HEXA: variants seen among roughly 807,000 people sequenced by gnomAD.
HEXA encodes the protein beta-hexosaminidase subunit alpha.
Under a neutral mutation model 73.3 loss-of-function variants are expected in HEXA, and 54 were observed. That is an observed-to-expected ratio of 0.74 (90% confidence interval 0.59 to 0.92). HEXA has a LOEUF of 0.92. Among genes scored for constraint, HEXA ranks in the 40% least tolerant of loss-of-function variants. The pLI is 0.00. For missense variants in HEXA, 649 were observed against 653.0 expected (o/e 0.99, Z 0.07); for synonymous variants, 230 against 246.9 (o/e 0.93, Z 0.64).
In HEXA at chr15:72,356,556, G is replaced by A; in HGVS notation, c.315C>T (p.Asn105=). ...LVVSVVTPGC[N]QLPTLESVEN... Reference sequence around the variant, plus strand: ...CCACTGACTCCAAAGTAGGAAGCTGGTTACATCCAGGTGTGACTACAGAGA... The same window carrying A: ...CCACTGACTCCAAAGTAGGAAGCTGATTACATCCAGGTGTGACTACAGAGA... Residue 105 remains asparagine (N), a synonymous_variant, in exon 2 of 14, where the codon AAC becomes AAT. Coordinates refer to ENST00000268097, the MANE Select transcript of HEXA (RefSeq NM_000520.6). 1 of 1,614,086 alleles carries A rather than the reference G, an allele frequency of 6.2e-7. No homozygotes were observed. Among genetic ancestry groups the A allele is most frequent in the Non-Finnish European group, 8.5e-7 (1 of 1,179,952 alleles).
At chr15:72,369,448 A>G (rs943644359) in intron 1 of HEXA, among the ~76,000 whole-genome samples, 10 of 152,196 alleles carry the variant, frequency 6.6e-5, no homozygotes, top group Non-Finnish European at 8.8e-5. Flanking sequence ...CTATTTTATC[A>G]CTTATTTTCA....
chr15:72,345,220 C>T (rs2088593520), intron 13 of HEXA: 1 of 704,924 alleles, frequency 1.4e-6, no homozygotes, highest in Non-Finnish European at 2.2e-6. Context: ...AATATAAATG[C>T]TATGTAAATA....
intron 1 of HEXA, among the ~76,000 whole-genome samples, chr15:72,368,330 T>A (rs961518972): frequency 6.6e-6 from 1 of 152,212 alleles, no homozygotes; most frequent in Non-Finnish European, 1.5e-5. Flanking sequence ...ATGAGTATAT[T>A]ACAAGACTGT....
At chr15:72,350,449 G>T in intron 7 of HEXA, 69 bp downstream of exon 7, 1 of 1,530,832 alleles carries the variant, frequency 6.5e-7, no homozygotes, top group Non-Finnish European at 9.0e-7. Context: ...ACTTCCATGA[G>T]CCAGTGCCCT....
chr15:72,345,511 G>T lies in HEXA; in HGVS notation c.1461C>A (p.Asn487Lys), dbSNP rs773338562. 1.2e-6 allele frequency: 2 copies of T among 1,614,134 alleles called. No homozygotes were observed. Among genetic ancestry groups the T allele is most frequent in the African/African-American group, 2.7e-5 (2 of 74,958 alleles). ...AGAVAERLWSNKLTSDLTFAY... is the reference protein window; with the variant it reads ...AGAVAERLWSKKLTSDLTFAY... ...CAAATGTCAGGTCAGATGTCAACTT[G>T]TTGCTCCACAGCCTTTCGGCAACAG... Residue 487 changes from asparagine (N) to lysine (K), a missense_variant, in exon 13 of 14, where the codon AAC becomes AAA. By Grantham distance (94) the Asn-to-Lys change is moderately conservative. Coordinates refer to ENST00000268097, the MANE Select transcript of HEXA (RefSeq NM_000520.6).
At chr15:72,370,804 T>C (rs1172648938) in intron 1 of HEXA, 1 of 393,680 alleles carries the variant, frequency 2.5e-6, no homozygotes. Context: ...CAAAATGAAA[T>C]ATGACACTTA....
chr15:72,353,413 A>C (rs1328445472), intron 4 of HEXA, among the ~76,000 whole-genome samples: 1 of 152,138 alleles, frequency 6.6e-6, no homozygotes, highest in Non-Finnish European at 1.5e-5. Flanking sequence ...CTCAGCCTAC[A>C]AATTCTGGAT....
At chr15:72,362,205 C>T (rs1021034162) in intron 1 of HEXA, among the ~76,000 whole-genome samples, 10 of 152,164 alleles carry the variant, frequency 6.6e-5, no homozygotes, top group Admixed American at 2.0e-4. Flanking sequence ...TTTGCCTTCC[C>T]GCCACATCTC....
At chr15:72,351,670 A>T in intron 5 of HEXA, 1 of 241,426 alleles carries the variant, frequency 4.1e-6, no homozygotes. Flanking sequence ...TAATCTCAGA[A>T]GCAAAGGCTG....
intron 1 of HEXA, chr15:72,362,334 C>T (rs939757867): frequency 1.5e-5 from 6 of 398,048 alleles, no homozygotes; most frequent in African/African-American, 1.3e-4. Context: ...TTTTTCAAAA[C>T]ACTTTTCTTA....
intron 1 of HEXA, chr15:72,370,782 G>T (rs1385423155): frequency 2.5e-6 from 1 of 395,084 alleles, no homozygotes; most frequent in Non-Finnish European, 4.5e-6. Context: ...AGCTAATCTA[G>T]GCCCTGGGAT....
In HEXA at chr15:72,346,215, T is replaced by TC. The variant is rs780193130; in HGVS notation, c.1421+19dup. The TC allele has an allele frequency of 2.0e-5, 32 of 1,587,330 alleles. No individual in the cohort carries two copies. Among genetic ancestry groups the TC allele is most frequent in the Admixed American group, 8.4e-5 (5 of 59,616 alleles). On this transcript the variant is annotated intron_variant, in intron 12 of 13. Coordinates refer to ENST00000268097, the MANE Select transcript of HEXA (RefSeq NM_000520.6). The stretch of plus-strand genomic sequence containing the variant: ...CTGCTCTCAGGCCCAACCCTCCACC[T>TC]CCCCCCCGAAAACCCTTACCAGAGC...
chr15:72,353,248 A>G (rs1452406333), intron 4 of HEXA, 70 bp from the exon 5 acceptor site: 4 of 899,716 alleles, frequency 4.4e-6, no homozygotes, highest in South Asian at 4.2e-5. Flanking sequence ...GGAGATGAAG[A>G]CAACTCTCCC....
chr15:72,344,281 C>T (rs1281942239), intron 13 of HEXA, 141 bp from the exon 14 acceptor site: 1 of 699,488 alleles, frequency 1.4e-6, no homozygotes, highest in African/African-American at 1.8e-5. Context: ...ACCTGGGAAT[C>T]TCAATTCCAG....
At chr15:72,363,838 C>T (rs1341176201) in intron 1 of HEXA, among the ~76,000 whole-genome samples, 1 of 152,172 alleles carries the variant, frequency 6.6e-6, no homozygotes, top group African/African-American at 2.4e-5. Context: ...CCTCCCAACC[C>T]TATCCCCACT....
At chr15:72,353,804 G>T (rs1020118125) in intron 3 of HEXA, 67 bp from the exon 4 acceptor site, 9 of 1,153,752 alleles carry the variant, frequency 7.8e-6, no homozygotes, top group Non-Finnish European at 1.2e-5. Flanking sequence ...CTATTTGGAA[G>T]GTTCTCAATG....
At chr15:72,359,051 C>G (rs1011622582) in intron 1 of HEXA, 1 of 152,230 alleles carries the variant, frequency 6.6e-6, no homozygotes, top group Non-Finnish European at 1.5e-5. Flanking sequence ...CTGGCTGGAA[C>G]AGCAGGAAAT....
intron 1 of HEXA, among the ~76,000 whole-genome samples, chr15:72,369,515 TGTTTTTGTTTCTAG>T (rs2088960254): frequency 6.6e-6 from 1 of 152,190 alleles, no homozygotes; most frequent in Admixed American, 6.5e-5. Context: ...CCCTTTCTTT[TGTTTTTGTTTCTAG>T]GTTTTTGTTT....
chr15:72,362,759 C>A (rs2088867417), intron 1 of HEXA, among the ~76,000 whole-genome samples: 1 of 152,134 alleles, frequency 6.6e-6, no homozygotes, highest in African/African-American at 2.4e-5. Context: ...TCACTAATAA[C>A]TATTAGGGTA....
Sources: allele counts gnomAD v4.1 joint callset (sites outside exome capture counted in the v4.1 genomes callset), GRCh38; gene constraint gnomAD v4.1.1; transcripts MANE v1.5; gene names NCBI Gene and HGNC (gene_info 2026-07-23, HGNC 2026-07-21).